NUP133: variants seen among roughly 807,000 people sequenced by gnomAD.
NUP133 encodes nucleoporin 133.
In NUP133, 66 loss-of-function variants were observed where a neutral mutation model predicts 146.2. The ratio of observed to expected loss-of-function variants is 0.45; its 90% confidence interval spans 0.37 to 0.55. The LOEUF is 0.55. Among genes scored for constraint, NUP133 ranks in the 20% least tolerant of loss-of-function variants. NUP133 has a pLI of 0.00. For synonymous variants in NUP133, 521 were observed against 498.8 expected (o/e 1.04, Z -0.59); for missense variants, 1,277 against 1,374.8 (o/e 0.93, Z 1.12).
At chr1:229,504,766 C>A (rs1661892252) in intron 2 of NUP133, among the ~76,000 whole-genome samples, 1 of 152,144 alleles carries the variant, frequency 6.6e-6, no homozygotes, top group Non-Finnish European at 1.5e-5. Flanking sequence ...GTTTCAAATA[C>A]CTGTGGTCAA....
intron 12 of NUP133, among the ~76,000 whole-genome samples, chr1:229,479,071 C>G (rs1661146072): frequency 6.6e-6 from 1 of 150,432 alleles, no homozygotes; most frequent in South Asian, 2.1e-4. Context: ...ATGACAGAGA[C>G]AGAGAGAGAG....
At chr1:229,499,112 C>G in intron 5 of NUP133, 1 of 458,464 alleles carries the variant, frequency 2.2e-6, no homozygotes, top group South Asian at 1.6e-5. Context: ...ATGGCGCAGG[C>G]TAGTCTTGAA....
intron 19 of NUP133, among the ~76,000 whole-genome samples, chr1:229,462,423 G>T (rs1660713319): frequency 6.6e-6 from 1 of 152,090 alleles, no homozygotes; most frequent in African/African-American, 2.4e-5. Flanking sequence ...TTTATCTTTT[G>T]TGTTTATAGT....
rs1661386259 is a variant in NUP133 at position 229,487,549 on chromosome 1, T to C, written c.1259A>G (p.Tyr420Cys). The change falls in exon 10 of 26, where the codon TAT becomes TGT. Residue 420 changes from tyrosine to cysteine, a missense_variant. Tyr to Cys is a radical substitution (Grantham distance 194). Transcript: ENST00000261396. ...GCACACATAGACAGCACTTTCGTTATACAGATAGGCAGTCTGGTTTGAAAA... is the reference window on the plus strand; with the variant it reads ...GCACACATAGACAGCACTTTCGTTACACAGATAGGCAGTCTGGTTTGAAAA... Reference protein sequence around the residue: ...PNFSNQTAYLYNESAVYVCST... With the variant: ...PNFSNQTAYLCNESAVYVCST... 1 of 1,613,688 alleles carries C rather than the reference T, an allele frequency of 6.2e-7. No homozygotes were observed. The highest frequency in any genetic ancestry group is 8.5e-7 in the Non-Finnish European group (1 of 1,179,706).
chr1:229,477,644 T>C lies in NUP133; in HGVS notation c.1709A>G (p.Asp570Gly), dbSNP rs1181500558. ...CCGTGGGTCAGATGCTGGGTAGTCA[T>C]CCATCAGGTCTACACTGATTTGGGT... ...AVTQISVDLM[D>G]DYPASDPRWA... The change falls in exon 13 of 26, where the codon GAT becomes GGT. Residue 570 changes from aspartate (D) to glycine (G), a missense_variant. Coordinates refer to ENST00000261396, the MANE Select transcript of NUP133 (RefSeq NM_018230.3). The C allele has an allele frequency of 6.2e-7, 1 of 1,613,884 alleles. No homozygotes were observed.
Position 229,486,482 on chromosome 1 carries a change from A to G in NUP133, c.1389T>C (p.Ile463=), listed in dbSNP as rs1376305907. 8.7e-6 allele frequency: 14 copies of G among 1,611,024 alleles called. No homozygotes were observed. Among genetic ancestry groups the G allele is most frequent in the Non-Finnish European group, 1.1e-5 (13 of 1,179,130 alleles). The change falls in exon 11 of 26, where the codon ATT becomes ATC. Residue 463 remains isoleucine, a synonymous_variant. Transcript: ENST00000261396. Reference sequence around the variant, plus strand: ...ACACCAGTCCACTGTTTCTAGAAAAAATGATAGGAACACCACCACAGGCAC... The same window carrying G: ...ACACCAGTCCACTGTTTCTAGAAAAGATGATAGGAACACCACCACAGGCAC... The part of the protein sequence containing the change: ...GAGACGGVPI[I]FSRNSGLVSI...
intron 2 of NUP133, among the ~76,000 whole-genome samples, chr1:229,502,795 C>G (rs1244813404): frequency 7.2e-6 from 1 of 139,222 alleles, no homozygotes; most frequent in Non-Finnish European, 1.5e-5. Context: ...GACTCTCTCT[C>G]TTAAAAAAAA....
chr1:229,453,434 C>T lies in NUP133; in HGVS notation c.2981-791G>A, dbSNP rs186429140. Among the ~76,000 whole-genome samples, 7 of 140,936 alleles carry T rather than the reference C, an allele frequency of 5.0e-5. No individual in the cohort carries two copies. In the East Asian group the frequency reaches 1.4e-3, roughly 27 times the overall value. The allele number at this position is 140,936 out of a possible 152,430, so 92.5% of individuals were successfully genotyped here. A position where few individuals can be genotyped will look rare whatever the true frequency, so the allele number is the denominator to read the frequency against. ...TCACCTAGTGGCACTTCATATGAGT[C>T]TCAAGGTGTTATTTAAGGTTTATGG... On this transcript the variant is annotated intron_variant, in intron 21 of 25. Coordinates refer to ENST00000261396, the MANE Select transcript of NUP133 (RefSeq NM_018230.3).
chr1:229,457,769 G>A (rs921307722), intron 21 of NUP133, among the ~76,000 whole-genome samples: 4 of 152,022 alleles, frequency 2.6e-5, no homozygotes, highest in African/African-American at 4.8e-5. Context: ...ATATGTAATC[G>A]TTTTCATCTA....
At chr1:229,487,416 A>C in intron 10 of NUP133, 50 bp downstream of exon 10, 7 of 1,567,508 alleles carry the variant, frequency 4.5e-6, no homozygotes, top group Non-Finnish European at 6.0e-6. Flanking sequence ...AAAAGCACTC[A>C]GAATGACTAA....
intron 7 of NUP133, 113 bp downstream of exon 7, chr1:229,495,779 C>CTA: frequency 9.9e-7 from 1 of 1,005,788 alleles, no homozygotes; most frequent in African/African-American, 1.6e-5. Context: ...TAACCATACA[C>CTA]TATGTTGTTT....
intron 3 of NUP133, among the ~76,000 whole-genome samples, chr1:229,501,116 T>C (rs1459971062): frequency 6.6e-6 from 1 of 152,246 alleles, no homozygotes; most frequent in Non-Finnish European, 1.5e-5. Context: ...AACCTCTTCC[T>C]GGGCTAGAAA....
rs1661537438 is a variant in NUP133, at chr1:229,492,136, C to T, written c.1047-2034G>A. ...TTTTTTTTTTTTTGAGGCGGAGTTT[C>T]ACTCTTGTTGCCCAGGCTGCAGTGC... is the stretch of plus-strand genomic sequence containing the variant. On this transcript the variant is annotated intron_variant, in intron 8 of 25. Coordinates refer to ENST00000261396, the MANE Select transcript of NUP133 (RefSeq NM_018230.3). 2.8e-5 allele frequency among the ~76,000 whole-genome samples: 4 copies of T among 144,502 alleles called. No individual in the cohort carries two copies. In the Admixed American group the frequency reaches 2.8e-4, roughly 10 times the overall value. The allele number at this position is 144,502 out of a possible 152,430, so 94.8% of individuals were successfully genotyped here.
intron 2 of NUP133, among the ~76,000 whole-genome samples, chr1:229,505,617 T>C (rs184723): frequency 3.6e-5 from 5 of 139,936 alleles, no homozygotes; most frequent in African/African-American, 1.4e-4. Flanking sequence ...CCAGATGTGG[T>C]GGCTCACGCC....
At chr1:229,494,725 T>C (rs1307415074) in intron 8 of NUP133, among the ~76,000 whole-genome samples, 2 of 152,188 alleles carry the variant, frequency 1.3e-5, no homozygotes, top group East Asian at 3.8e-4. Flanking sequence ...AAGTTCTAAT[T>C]TGTACTACCA....
chr1:229,495,821 CAATT>C (rs1369441560), intron 7 of NUP133, 67 bp downstream of exon 7: 45 of 1,297,534 alleles, frequency 3.5e-5, no homozygotes, highest in East Asian at 7.1e-5. Flanking sequence ...ATAAATAAAA[CAATT>C]AAGGGAACCA....
At chr1:229,447,761 G>T (rs1037232575) in intron 24 of NUP133, among the ~76,000 whole-genome samples, 2 of 152,190 alleles carry the variant, frequency 1.3e-5, no homozygotes, top group Non-Finnish European at 2.9e-5. Flanking sequence ...GGCTTTGGAA[G>T]TTCCAAGCCC....
intron 10 of NUP133, among the ~76,000 whole-genome samples, chr1:229,486,950 A>T (rs377524284): frequency 6.7e-6 from 1 of 149,152 alleles, no homozygotes; most frequent in African/African-American, 2.5e-5. Context: ...GCACCTTAGT[A>T]ACATCCTACC....
intron 8 of NUP133, among the ~76,000 whole-genome samples, chr1:229,490,557 G>T (rs1255612876): frequency 6.6e-6 from 1 of 152,196 alleles, no homozygotes; most frequent in Admixed American, 6.5e-5. Flanking sequence ...ATCTCCAGGG[G>T]CTAGAGGATG....
Sources: gnomAD v4.1 joint callset for allele counts (sites outside exome capture counted in the v4.1 genomes callset) on GRCh38, gnomAD v4.1.1 for gene constraint, MANE v1.5 for transcripts, NCBI Gene and HGNC (gene_info 2026-07-23, HGNC 2026-07-21) for gene names.